SPAG17: variants seen among roughly 807,000 people sequenced by gnomAD.
SPAG17 encodes sperm associated antigen 17.
Under a neutral mutation model 273.6 loss-of-function variants are expected in SPAG17, and 169 were observed. The ratio of observed to expected loss-of-function variants is 0.62; its 90% CI spans 0.55 to 0.70. The LOEUF is 0.70. SPAG17 is among the 30% of genes least tolerant of loss of function. SPAG17 has a pLI of 0.00. For missense variants in SPAG17, 2,557 were observed against 2,627.8 expected (o/e 0.97, Z 0.59); for synonymous variants, 825 against 873.2 (o/e 0.94, Z 0.97).
chr1:118,162,276 A>T (rs1659966773), intron 1 of SPAG17, among the ~76,000 whole-genome samples: 1 of 152,220 alleles, frequency 6.6e-6, no homozygotes, highest in Admixed American at 6.5e-5. Flanking sequence ...ATGGTGTAAT[A>T]AAAAGAGCAC....
At chr1:117,988,231 T>C in intron 38 of SPAG17, 27 bp from the exon 39 acceptor site, 2 of 1,521,538 alleles carry the variant, frequency 1.3e-6, no homozygotes, top group Non-Finnish European at 1.8e-6. Flanking sequence ...ATTTAACTTT[T>C]ATCCCCACTT....
At chr1:118,164,493 T>C (rs1660071019) in intron 1 of SPAG17, among the ~76,000 whole-genome samples, 1 of 152,226 alleles carries the variant, frequency 6.6e-6, no homozygotes, top group South Asian at 2.1e-4. Context: ...GCAATCACAG[T>C]TGCCCTCTTC....
intron 18 of SPAG17, among the ~76,000 whole-genome samples, chr1:118,065,710 C>A (rs561721005): frequency 6.6e-6 from 1 of 151,980 alleles, no homozygotes; most frequent in Admixed American, 6.6e-5. Flanking sequence ...AATATAAACA[C>A]CTAAATTGAT....
intron 38 of SPAG17, among the ~76,000 whole-genome samples, chr1:117,989,594 G>C (rs1248755212): frequency 6.6e-6 from 1 of 151,960 alleles, no homozygotes; most frequent in Non-Finnish European, 1.5e-5. Context: ...TCTATTTTTT[G>C]AGACAGGGTC....
chr1:117,998,461 T>G lies in SPAG17; in HGVS notation c.4777-1718A>C, dbSNP rs139891968. Among the ~76,000 whole-genome samples the G allele has an allele frequency of 2.3e-3, 357 of 152,278 alleles. 1 individual carries two copies. The highest frequency in any genetic ancestry group is 8.4e-3 in the African/African-American group (348 of 41,568). ...CATGCTATTTTGGTTATTGCAGCCC[T>G]GTAGTACAGCTGAAGTTGGGTAATG... On this transcript the variant is annotated intron_variant, in intron 32 of 48. Transcript: ENST00000336338.
intron 1 of SPAG17, among the ~76,000 whole-genome samples, chr1:118,157,606 T>G (rs557859782): frequency 1.3e-5 from 2 of 152,254 alleles, no homozygotes; most frequent in East Asian, 3.9e-4. Flanking sequence ...ATGACTAGAT[T>G]CCTTCATACT....
chr1:118,064,501 C>A (rs926422115), intron 18 of SPAG17, among the ~76,000 whole-genome samples: 1 of 149,460 alleles, frequency 6.7e-6, no homozygotes, highest in African/African-American at 2.5e-5. Context: ...GAACCAAACA[C>A]CGCATGTTCT....
At chr1:117,958,996 A>C in intron 48 of SPAG17, 1 of 1,613,868 alleles carries the variant, frequency 6.2e-7, no homozygotes, top group African/African-American at 1.3e-5. Context: ...AAAGTCAGCC[A>C]AGTCCGGGTA....
At chr1:118,045,032 C>T (rs1333647855) in intron 20 of SPAG17, among the ~76,000 whole-genome samples, 1 of 152,082 alleles carries the variant, frequency 6.6e-6, no homozygotes, top group African/African-American at 2.4e-5. Flanking sequence ...TAAATGAAAA[C>T]TATGTTTAAT....
At chr1:118,147,456 G>A (rs532451461) in intron 3 of SPAG17, among the ~76,000 whole-genome samples, 1 of 152,104 alleles carries the variant, frequency 6.6e-6, no homozygotes, top group African/African-American at 2.4e-5. Flanking sequence ...CAACATTCCT[G>A]AGAATATACA....
chr1:118,059,469 C>A (rs1652046820), intron 18 of SPAG17, among the ~76,000 whole-genome samples: 1 of 152,034 alleles, frequency 6.6e-6, no homozygotes, highest in Admixed American at 6.5e-5. Flanking sequence ...GATTAACATA[C>A]ATACTATCTT....
chr1:118,038,528 T>A (rs895760660), intron 23 of SPAG17, among the ~76,000 whole-genome samples: 4 of 152,170 alleles, frequency 2.6e-5, no homozygotes, highest in African/African-American at 9.7e-5. Context: ...CAAGATGTCC[T>A]TCAGTAGGTG....
At chr1:117,989,726 C>T (rs556059869) in intron 38 of SPAG17, among the ~76,000 whole-genome samples, 62 of 152,142 alleles carry the variant, frequency 4.1e-4, no homozygotes, top group African/African-American at 1.5e-3. Flanking sequence ...CAGGCATGCA[C>T]CACTACACCT....
At chr1:118,112,178 G>C (rs555825180) in intron 4 of SPAG17, among the ~76,000 whole-genome samples, 1 of 150,882 alleles carries the variant, frequency 6.6e-6, no homozygotes, top group East Asian at 1.9e-4. Flanking sequence ...AAAATATTTG[G>C]GTTCAAAATT....
intron 10 of SPAG17, 78 bp downstream of exon 10, chr1:118,091,528 A>G: frequency 1.3e-6 from 1 of 751,664 alleles, no homozygotes; most frequent in South Asian, 1.7e-5. Flanking sequence ...ATAATTTTAA[A>G]ATAGTGTAAA....
At chr1:118,043,390 G>A (rs990756037) in intron 20 of SPAG17, among the ~76,000 whole-genome samples, 5 of 152,140 alleles carry the variant, frequency 3.3e-5, no homozygotes, top group African/African-American at 9.7e-5. Flanking sequence ...GAAATTTTGT[G>A]AGCCAACTGT....
At position 117,953,909 on chromosome 1, in the gene SPAG17, A is replaced by C; in HGVS notation, c.*141T>G. ...CGTCTTTATTAAACAGATTGAAGCT[A>C]TTTCATTTGGCAAATTTCTGGTCAG... On this transcript the variant is annotated 3_prime_UTR_variant, in exon 49 of 49. Transcript: ENST00000336338. 2.0e-6 allele frequency: 2 copies of C among 975,674 alleles called. No homozygotes were observed. The highest frequency in any genetic ancestry group is 2.2e-4 in the Middle Eastern group (1 of 4,530). The allele number at this position is 975,674 out of a possible 1,614,324, so 60.4% of individuals were successfully genotyped here.
chr1:118,053,982 C>T lies in SPAG17; in HGVS notation c.2814+20G>A. 1.3e-6 allele frequency: 2 copies of T among 1,580,192 alleles called. No homozygotes were observed. The highest frequency in any genetic ancestry group is 1.7e-6 in the Non-Finnish European group (2 of 1,154,036). On this transcript the variant is annotated intron_variant, in intron 20 of 48. Coordinates refer to ENST00000336338, the MANE Select transcript of SPAG17 (RefSeq NM_206996.4). The stretch of plus-strand genomic sequence containing the variant: ...ACTTTAGTTTTGCCTGTTTTTTAAA[C>T]TTTATGTAAGCTGGATTACCTTGAG...
At position 118,129,609 on chromosome 1, in the gene SPAG17, A is replaced by G. The variant is rs1657939373; in HGVS notation, c.316-14168T>C. Among the ~76,000 whole-genome samples the G allele has an allele frequency of 3.3e-5, 5 of 152,004 alleles. 1 individual carries two copies. The highest frequency in any genetic ancestry group is 1.3e-4 in the Admixed American group (2 of 15,254). The stretch of plus-strand genomic sequence containing the variant: ...CTTGCTAACTCTCAGTTATGCATTT[A>G]TATTTCCTTAATTTCTTTCTCCTCC... On this transcript the variant is annotated intron_variant, in intron 3 of 48. Transcript: ENST00000336338.
Sources: allele counts gnomAD v4.1 joint callset (sites outside exome capture counted in the v4.1 genomes callset), GRCh38; gene constraint gnomAD v4.1.1; transcripts MANE v1.5; gene names NCBI Gene and HGNC (gene_info 2026-07-23, HGNC 2026-07-21).